Variants in ZBTB7C observed in about 807,000 individuals in gnomAD.
ZBTB7C encodes the protein zinc finger and BTB domain-containing protein 7C.
A neutral mutation model predicts 25.7 loss-of-function variants in ZBTB7C; 8 were observed. That is an observed-to-expected ratio of 0.31 (90% CI 0.18 to 0.56). ZBTB7C has a LOEUF of 0.56. Among genes scored for constraint, ZBTB7C ranks in the 20% least tolerant of loss-of-function variants. ZBTB7C has a pLI of 0.91. For missense variants in ZBTB7C, 824 were observed against 855.2 expected (o/e 0.96, Z 0.46); for synonymous variants, 394 against 369.0 (o/e 1.07, Z -0.78).
At chr18:48,128,095 A>C (rs2039864352) in intron 3 of ZBTB7C, among the ~76,000 whole-genome samples, 1 of 152,206 alleles carries the variant, frequency 6.6e-6, no homozygotes, top group African/African-American at 2.4e-5. Flanking sequence ...GGCCTACAGG[A>C]AATCACTCCT....
intron 3 of ZBTB7C, among the ~76,000 whole-genome samples, chr18:48,156,758 G>C (rs1211466537): frequency 6.6e-6 from 1 of 152,026 alleles, no homozygotes; most frequent in African/African-American, 2.4e-5. Context: ...GAAAAATAAA[G>C]GTACTCAGAA....
chr18:48,042,828 GCTCTGTACTGTA>G (rs2036308140), intron 3 of ZBTB7C, among the ~76,000 whole-genome samples: 1 of 152,192 alleles, frequency 6.6e-6, no homozygotes, highest in Admixed American at 6.5e-5. Context: ...CCTGTGCCAG[GCTCTGTACTGTA>G]CTCTGGGGAT....
intron 1 of ZBTB7C, among the ~76,000 whole-genome samples, chr18:48,354,509 GA>G (rs1055410973): frequency 7.2e-5 from 11 of 152,054 alleles, no homozygotes; most frequent in African/African-American, 2.7e-4. Flanking sequence ...CTGGTAAAAG[GA>G]CACACCCCAG....
In ZBTB7C at chr18:48,029,740, A is replaced by G. The variant is rs1458810792; in HGVS notation, c.1380T>C (p.Ser460=). ...GCTTGATGTGGCGGTGCAGGTGGTC[A>G]GAGCGCGTGAAGCTCTTGTAGCAGA... ...CEFCYKSFTR[S]DHLHRHIKRQ... is the part of the protein sequence containing the mutation. Residue 460 remains serine (S), a synonymous_variant, in exon 5 of 5, where the codon TCT becomes TCC. Coordinates refer to ENST00000590800, the MANE Select transcript of ZBTB7C (RefSeq NM_001318841.2). The G allele has an allele frequency of 1.9e-6, 3 of 1,606,594 alleles. No individual in the cohort carries two copies. In the African/African-American group the frequency reaches 4.0e-5, roughly 21 times the overall value.
chr18:48,145,866 C>T (rs1249715244), intron 3 of ZBTB7C, among the ~76,000 whole-genome samples: 1 of 152,074 alleles, frequency 6.6e-6, no homozygotes. Flanking sequence ...CTTAAATATT[C>T]CTTAAAATCT....
intron 1 of ZBTB7C, among the ~76,000 whole-genome samples, chr18:48,355,402 C>T (rs955452609): frequency 6.6e-6 from 1 of 152,158 alleles, no homozygotes; most frequent in Admixed American, 6.5e-5. Flanking sequence ...AGCCAAACTG[C>T]TGTTGATTTG....
intron 2 of ZBTB7C, among the ~76,000 whole-genome samples, chr18:48,286,058 C>G (rs911034694): frequency 6.6e-6 from 1 of 152,154 alleles, no homozygotes; most frequent in African/African-American, 2.4e-5. Context: ...TTTTTCAGGT[C>G]CCCATACATG....
intron 3 of ZBTB7C, among the ~76,000 whole-genome samples, chr18:48,112,181 AT>A (rs918185626): frequency 8.6e-5 from 13 of 151,614 alleles, no homozygotes; most frequent in African/African-American, 3.1e-4. Context: ...AATAAAATAT[AT>A]GTTCATAGAA....
intron 2 of ZBTB7C, among the ~76,000 whole-genome samples, chr18:48,274,913 C>T (rs1011331537): frequency 6.6e-6 from 1 of 152,146 alleles, no homozygotes; most frequent in Non-Finnish European, 1.5e-5. Context: ...AAGGTGTCCT[C>T]GATACTCCTC....
chr18:48,078,078 G>A (rs529595354), intron 3 of ZBTB7C, among the ~76,000 whole-genome samples: 69 of 152,310 alleles, frequency 4.5e-4, no homozygotes, highest in Middle Eastern at 3.4e-3. Flanking sequence ...AAGGCCAGAA[G>A]CTAGAGACTC....
At chr18:48,338,530 T>C (rs776108670) in intron 1 of ZBTB7C, 132 bp from the exon 2 acceptor site, 1 of 152,314 alleles carries the variant, frequency 6.6e-6, no homozygotes, top group Non-Finnish European at 1.5e-5. Context: ...TTCATGACTA[T>C]ACCAACTCGA....
At chr18:48,278,522 G>A (rs1469913855) in intron 2 of ZBTB7C, among the ~76,000 whole-genome samples, 2 of 151,316 alleles carry the variant, frequency 1.3e-5, no homozygotes, top group South Asian at 2.1e-4. Context: ...TGCAACCTCC[G>A]CCTCCTGGGT....
chr18:48,179,279 A>T (rs1295292217), intron 3 of ZBTB7C, among the ~76,000 whole-genome samples: 1 of 152,202 alleles, frequency 6.6e-6, no homozygotes, highest in Non-Finnish European at 1.5e-5. Context: ...ATGGGACCAG[A>T]GTCCCCAACC....
intron 3 of ZBTB7C, among the ~76,000 whole-genome samples, chr18:48,123,569 C>G (rs1321684962): frequency 6.6e-6 from 1 of 152,232 alleles, no homozygotes; most frequent in African/African-American, 2.4e-5. Flanking sequence ...AACTCCCTCC[C>G]TCCCCCTGCC....
chr18:48,128,345 G>GT (rs1173546125), intron 3 of ZBTB7C, among the ~76,000 whole-genome samples: 1 of 152,204 alleles, frequency 6.6e-6, no homozygotes, highest in Non-Finnish European at 1.5e-5. Flanking sequence ...TAAACAACTG[G>GT]CCCCATGCAC....
chr18:48,315,980 C>G (rs1018082715), intron 2 of ZBTB7C, among the ~76,000 whole-genome samples: 2 of 152,096 alleles, frequency 1.3e-5, no homozygotes, highest in African/African-American at 4.8e-5. Context: ...GTCCTCACTC[C>G]TCTTGTCTTC....
chr18:48,388,852 T>TA (rs2047812098), intron 1 of ZBTB7C, among the ~76,000 whole-genome samples: 1 of 152,236 alleles, frequency 6.6e-6, no homozygotes, highest in Admixed American at 6.5e-5. Context: ...AAGTAATTGG[T>TA]AGTACATGGA....
At chr18:48,270,710 T>TAAA (rs1555728324) in intron 2 of ZBTB7C, among the ~76,000 whole-genome samples, 24 of 139,580 alleles carry the variant, frequency 1.7e-4, no homozygotes, top group Non-Finnish European at 2.9e-4. Flanking sequence ...AAAAAAAAAT[T>TAAA]TTTATATTTT....
intron 2 of ZBTB7C, among the ~76,000 whole-genome samples, chr18:48,216,983 C>CATGCGCTTCCTGCGCATGTGTG (rs1300769047): frequency 2.6e-5 from 4 of 152,166 alleles, no homozygotes; most frequent in Non-Finnish European, 5.9e-5. Flanking sequence ...TGGACACCAG[C>CATGCGCTTCCTGCGCATGTGTG]ATGCGCAGGA....
Sources: allele counts gnomAD v4.1 joint callset (sites outside exome capture counted in the v4.1 genomes callset), GRCh38; gene constraint gnomAD v4.1.1; transcripts MANE v1.5; gene names NCBI Gene and HGNC (gene_info 2026-07-23, HGNC 2026-07-21).